The following CDH13 variants were observed in gnomAD, a reference collection of about 807,000 sequenced individuals.
CDH13 encodes cadherin-13.
A neutral mutation model predicts 63.8 loss-of-function variants in CDH13; 24 were observed. That is an observed-to-expected ratio of 0.38 (90% CI 0.27 to 0.53). The LOEUF (loss-of-function observed/expected upper bound fraction) is 0.53, where lower values mean the gene tolerates loss of function less well. Among genes scored for constraint, CDH13 ranks in the 20% least tolerant of loss-of-function variants. The pLI is 0.85. For synonymous variants in CDH13, 503 were observed against 355.3 expected (o/e 1.42, Z -4.67); for missense variants, 1,049 against 903.1 (o/e 1.16, Z -2.07).
intron 7 of CDH13, among the ~76,000 whole-genome samples, chr16:83,534,152 A>G (rs2075138731): frequency 6.6e-6 from 1 of 152,086 alleles, no homozygotes; most frequent in Non-Finnish European, 1.5e-5. Context: ...GCCCTTTGTA[A>G]TCATCTACTT....
intron 8 of CDH13, among the ~76,000 whole-genome samples, chr16:83,612,433 T>C (rs1309493460): frequency 2.0e-5 from 3 of 152,078 alleles, no homozygotes; most frequent in Non-Finnish European, 4.4e-5. Context: ...AAGTGGTGTA[T>C]GTATGGGCTT....
intron 1 of CDH13, among the ~76,000 whole-genome samples, chr16:82,696,420 C>T (rs764028240): frequency 4.6e-5 from 7 of 152,002 alleles, no homozygotes; most frequent in Admixed American, 6.5e-5. Flanking sequence ...ATGGGAACAC[C>T]GTTGTTTTGT....
At chr16:83,494,417 A>G (rs1387370) in intron 7 of CDH13, among the ~76,000 whole-genome samples, 78,234 of 152,006 alleles carry the variant, frequency 0.51, 20,662 homozygotes, top group East Asian at 0.84. Context: ...TAAACCCCAA[A>G]TCCTCTAAAT....
chr16:83,631,972 C>T (rs1296609245), intron 8 of CDH13, among the ~76,000 whole-genome samples: 1 of 152,202 alleles, frequency 6.6e-6, no homozygotes, highest in Non-Finnish European at 1.5e-5. Flanking sequence ...TATGACAAGC[C>T]TGCTTTTAGG....
rs962676661 is a variant in CDH13 at position 82,866,646 on chromosome 16, C to T, written c.157+8173C>T. Among the ~76,000 whole-genome samples, 3 of 151,980 alleles carry T rather than the reference C, an allele frequency of 2.0e-5. No homozygotes were observed. In the East Asian group the frequency reaches 5.8e-4, roughly 29 times the overall value. On this transcript the variant is annotated intron_variant, in intron 2 of 13. Transcript: ENST00000567109. ...TTTTCATACTGCTGTAAAGAACTGC[C>T]TGAGACTGGGTAGTTTATAAAGATA... is the stretch of plus-strand genomic sequence containing the variant.
chr16:82,892,323 A>G (rs2041108666), intron 2 of CDH13, among the ~76,000 whole-genome samples: 1 of 152,164 alleles, frequency 6.6e-6, no homozygotes, highest in South Asian at 2.1e-4. Flanking sequence ...TTGTGCCTGC[A>G]TGCTCACACA....
At chr16:83,596,051 C>T (rs987691144) in intron 7 of CDH13, among the ~76,000 whole-genome samples, 3 of 152,206 alleles carry the variant, frequency 2.0e-5, no homozygotes, top group South Asian at 2.1e-4. Context: ...CAGTTGATTA[C>T]ATTCGTCTTT....
intron 2 of CDH13, among the ~76,000 whole-genome samples, chr16:82,905,362 G>GT (rs1216122259): frequency 6.6e-6 from 1 of 151,826 alleles, no homozygotes; most frequent in Non-Finnish European, 1.5e-5. Context: ...TCTGATAGTC[G>GT]TTTTTAAGGA....
chr16:83,483,881 C>T (rs2073828573), intron 6 of CDH13, among the ~76,000 whole-genome samples: 1 of 152,180 alleles, frequency 6.6e-6, no homozygotes, highest in African/African-American at 2.4e-5. Context: ...AACACTAATT[C>T]TGTAGCATGT....
chr16:83,147,805 C>G (rs1010818862), intron 4 of CDH13, among the ~76,000 whole-genome samples: 2 of 152,136 alleles, frequency 1.3e-5, no homozygotes, highest in African/African-American at 2.4e-5. Flanking sequence ...GGGGCAAAGA[C>G]CTCACCTCAC....
rs2150856996 is a variant in CDH13 at position 83,670,962 on chromosome 16, C to G, written c.1274C>G (p.Ser425Cys). The change falls in exon 9 of 14, where the codon TCT becomes TGT. Residue 425 changes from serine to cysteine, a missense_variant. Physicochemically the swap from Ser to Cys is moderately radical, Grantham distance 112. Transcript: ENST00000567109. ...TNPQTNEGML[S>C]VVKPLDYEIS... Reference sequence around the variant, plus strand: ...CCTCAAACCAACGAAGGGATGCTTTCTGTTGTCAAAGTAAGGGTGCTTCCA... The same window carrying G: ...CCTCAAACCAACGAAGGGATGCTTTGTGTTGTCAAAGTAAGGGTGCTTCCA... 1 of 1,595,664 alleles carries G rather than the reference C, an allele frequency of 6.3e-7. No individual in the cohort carries two copies. Among genetic ancestry groups the G allele is most frequent in the African/African-American group, 1.3e-5 (1 of 74,634 alleles).
At chr16:83,345,835 C>T (rs2090827770) in intron 6 of CDH13, among the ~76,000 whole-genome samples, 3 of 152,114 alleles carry the variant, frequency 2.0e-5, no homozygotes, top group Admixed American at 2.0e-4. Flanking sequence ...TTAAGAGTAT[C>T]ATGATACTCC....
chr16:82,641,436 A>G (rs1909382510), intron 1 of CDH13, among the ~76,000 whole-genome samples: 3 of 152,234 alleles, frequency 2.0e-5, no homozygotes, highest in Admixed American at 2.0e-4. Context: ...GCTAATGGTA[A>G]CAGAAAGAAT....
chr16:83,738,161 C>A (rs1473976457), intron 10 of CDH13, among the ~76,000 whole-genome samples: 9 of 152,308 alleles, frequency 5.9e-5, no homozygotes, highest in Non-Finnish European at 1.3e-4. Flanking sequence ...AATTAAATAA[C>A]CATTTGTGTA....
chr16:83,460,982 AACACACACACACGCAC>A (rs2073162824), intron 6 of CDH13, among the ~76,000 whole-genome samples: 1 of 134,254 alleles, frequency 7.4e-6, no homozygotes, highest in Non-Finnish European at 1.6e-5. Flanking sequence ...CTTGTCTCAA[AACACACACACACGCAC>A]ACACACACAC....
intron 6 of CDH13, among the ~76,000 whole-genome samples, chr16:83,482,638 G>T (rs1044670246): frequency 2.6e-5 from 4 of 152,244 alleles, no homozygotes; most frequent in Admixed American, 6.5e-5. Context: ...GGAAGGTACT[G>T]GCAAGAGCCA....
intron 2 of CDH13, among the ~76,000 whole-genome samples, chr16:82,996,947 GTT>G (rs199577933): frequency 0.13 from 18,988 of 151,822 alleles, 1,542 homozygotes; most frequent in African/African-American, 0.23. Context: ...CGATGGTGTT[GTT>G]GATGATGGTG....
At chr16:83,530,911 C>G (rs866271313) in intron 7 of CDH13, among the ~76,000 whole-genome samples, 4 of 152,208 alleles carry the variant, frequency 2.6e-5, no homozygotes, top group African/African-American at 7.2e-5. Flanking sequence ...TTCACACAGA[C>G]TGGATTCAAA....
intron 1 of CDH13, among the ~76,000 whole-genome samples, chr16:82,760,118 A>G (rs2034775352): frequency 6.6e-6 from 1 of 152,208 alleles, no homozygotes; most frequent in African/African-American, 2.4e-5. Flanking sequence ...TCCTAAGCAT[A>G]GAGTTTTTCT....
Sources: gnomAD v4.1 joint callset for allele counts (sites outside exome capture counted in the v4.1 genomes callset) on GRCh38, gnomAD v4.1.1 for gene constraint, MANE v1.5 for transcripts, NCBI Gene and HGNC (gene_info 2026-07-23, HGNC 2026-07-21) for gene names.